Variants in MARCHF1 observed in about 807,000 individuals in gnomAD.
MARCHF1 encodes the protein membrane associated ring-CH-type finger 1.
In MARCHF1, 40 loss-of-function variants were observed where a neutral mutation model predicts 54.2. That is an observed-to-expected ratio of 0.74 (90% CI 0.57 to 0.96). The LOEUF (loss-of-function observed/expected upper bound fraction) is 0.96. Among genes scored for constraint, MARCHF1 ranks in the 40% least tolerant of loss-of-function variants. The pLI, the probability that MARCHF1 is intolerant of heterozygous loss-of-function variation, is 0.00. For synonymous variants in MARCHF1, 236 were observed against 236.3 expected (o/e 1.00, Z 0.01); for missense variants, 586 against 656.5 (o/e 0.89, Z 1.17).
At chr4:164,261,408 G>A (rs1170261566) in intron 1 of MARCHF1, among the ~76,000 whole-genome samples, 2 of 152,088 alleles carry the variant, frequency 1.3e-5, no homozygotes, top group Non-Finnish European at 2.9e-5. Context: ...TCACTTCAAT[G>A]AATTCTTCAT....
chr4:163,619,834 G>C (rs1741623107), intron 5 of MARCHF1, among the ~76,000 whole-genome samples: 1 of 151,700 alleles, frequency 6.6e-6, no homozygotes, highest in African/African-American at 2.4e-5. Flanking sequence ...GTTTATAATA[G>C]GTGGAAAAAA....
intron 5 of MARCHF1, among the ~76,000 whole-genome samples, chr4:163,639,892 G>T (rs1424791478): frequency 6.6e-6 from 1 of 152,070 alleles, no homozygotes; most frequent in Non-Finnish European, 1.5e-5. Flanking sequence ...AAGAGTTAGG[G>T]GATGGAGGTA....
At chr4:163,613,261 A>G (rs1741406870) in intron 6 of MARCHF1, 53 bp downstream of exon 6, 2 of 1,524,276 alleles carry the variant, frequency 1.3e-6, no homozygotes, top group African/African-American at 1.4e-5. Context: ...AACAACAAGA[A>G]TACGAATATT....
intron 1 of MARCHF1, among the ~76,000 whole-genome samples, chr4:164,231,167 T>C (rs1732405028): frequency 6.6e-6 from 1 of 152,116 alleles, no homozygotes; most frequent in Admixed American, 6.6e-5. Flanking sequence ...CTCTATGTTG[T>C]TTTGATGAAG....
At chr4:163,900,067 C>A (rs760214662) in intron 3 of MARCHF1, among the ~76,000 whole-genome samples, 8 of 152,022 alleles carry the variant, frequency 5.3e-5, no homozygotes, top group Non-Finnish European at 8.8e-5. Context: ...CTTGCTTCCC[C>A]TTTTTATTTC....
At chr4:163,905,848 TCCCA>T (rs1751054523) in intron 3 of MARCHF1, among the ~76,000 whole-genome samples, 1 of 152,034 alleles carries the variant, frequency 6.6e-6, no homozygotes, top group South Asian at 2.1e-4. Context: ...AATGTACTTC[TCCCA>T]CTGACAATGT....
chr4:163,604,909 C>T (rs1335815140), intron 7 of MARCHF1, among the ~76,000 whole-genome samples: 1 of 152,072 alleles, frequency 6.6e-6, no homozygotes, highest in Non-Finnish European at 1.5e-5. Context: ...AAATGCTCTA[C>T]TAGATGCAAG....
At chr4:163,545,466 C>T in intron 9 of MARCHF1, 130 bp downstream of exon 9, 2 of 778,700 alleles carry the variant, frequency 2.6e-6, no homozygotes, top group Non-Finnish European at 4.0e-6. Context: ...AGGGAAGAAT[C>T]AATAGCAAAT....
At chr4:164,189,103 G>T in intron 1 of MARCHF1, 1 of 668,620 alleles carries the variant, frequency 1.5e-6, no homozygotes, top group East Asian at 2.6e-5. Context: ...TGGTGTCTTC[G>T]GAGTCGTGGC....
At chr4:163,944,182 C>G (rs943159597) in intron 3 of MARCHF1, among the ~76,000 whole-genome samples, 2 of 144,756 alleles carry the variant, frequency 1.4e-5, no homozygotes, top group Non-Finnish European at 3.0e-5. Flanking sequence ...TGGGGTTTCA[C>G]CATGTTAGCC....
At chr4:163,677,603 C>A (rs1743960862) in intron 5 of MARCHF1, among the ~76,000 whole-genome samples, 1 of 152,186 alleles carries the variant, frequency 6.6e-6, no homozygotes, top group African/African-American at 2.4e-5. Flanking sequence ...AACAAAGATG[C>A]CTATTTTTCC....
At chr4:164,227,038 A>T (rs548696035) in intron 1 of MARCHF1, among the ~76,000 whole-genome samples, 16 of 152,254 alleles carry the variant, frequency 1.1e-4, no homozygotes, top group African/African-American at 3.8e-4. Context: ...GCACTGAATA[A>T]TAAATTTGTT....
intron 2 of MARCHF1, among the ~76,000 whole-genome samples, chr4:164,048,483 C>T (rs1357218849): frequency 3.9e-5 from 6 of 152,090 alleles, no homozygotes; most frequent in Admixed American, 3.9e-4. Flanking sequence ...CTTCGGCCAA[C>T]AACTGCTTGA....
At chr4:164,091,410 T>TATATA (rs1755296908) in intron 2 of MARCHF1, among the ~76,000 whole-genome samples, 3 of 136,944 alleles carry the variant, frequency 2.2e-5, no homozygotes, top group Non-Finnish European at 3.1e-5. Context: ...TCACCAAGTT[T>TATATA]TATATATATA....
At chr4:164,241,933 G>T (rs1019944849) in intron 1 of MARCHF1, among the ~76,000 whole-genome samples, 7 of 152,304 alleles carry the variant, frequency 4.6e-5, no homozygotes, top group East Asian at 3.9e-4. Flanking sequence ...CTTAAAAAAC[G>T]GTGCACCACG....
chr4:164,303,815 C>A (rs939347680), intron 1 of MARCHF1, among the ~76,000 whole-genome samples: 1 of 152,020 alleles, frequency 6.6e-6, no homozygotes, highest in East Asian at 1.9e-4. Flanking sequence ...GCTCAGGGAT[C>A]TTAAGTGAAA....
chr4:164,094,273 C>A (rs1177704912), intron 2 of MARCHF1, among the ~76,000 whole-genome samples: 2 of 152,142 alleles, frequency 1.3e-5, no homozygotes, highest in African/African-American at 4.8e-5. Flanking sequence ...TTGAAGCCAG[C>A]AGCCTGCCAT....
intron 3 of MARCHF1, among the ~76,000 whole-genome samples, chr4:163,861,757 C>T (rs1016951750): frequency 1.3e-5 from 2 of 151,924 alleles, no homozygotes; most frequent in African/African-American, 4.8e-5. Flanking sequence ...GGCAAAATAC[C>T]TACACTAGTC....
intron 4 of MARCHF1, among the ~76,000 whole-genome samples, chr4:163,803,261 C>G (rs1748132449): frequency 6.6e-6 from 1 of 152,180 alleles, no homozygotes; most frequent in African/African-American, 2.4e-5. Flanking sequence ...GCAACCTCTG[C>G]CTCCCGGGTT....
Sources: gnomAD v4.1 joint callset for allele counts (sites outside exome capture counted in the v4.1 genomes callset) on GRCh38, gnomAD v4.1.1 for gene constraint, MANE v1.5 for transcripts, NCBI Gene and HGNC (gene_info 2026-07-23, HGNC 2026-07-21) for gene names.